Variants in MAPT observed in about 807,000 individuals in gnomAD.
MAPT encodes the protein microtubule associated protein tau, also known as microtubule-associated protein tau.
MAPT carries 34 observed loss-of-function variants against 67.9 expected under a neutral mutation model. The observed-to-expected ratio is 0.50, with a 90% CI of 0.38 to 0.67. MAPT has a LOEUF of 0.67. Among genes scored for constraint, MAPT ranks in the 30% least tolerant of loss-of-function variants. The pLI, the probability that MAPT is intolerant of heterozygous loss-of-function variation, is 0.00. For missense variants in MAPT, 881 were observed against 1,115.2 expected (o/e 0.79, Z 2.99); for synonymous variants, 456 against 464.5 (o/e 0.98, Z 0.23).
chr17:45,961,776 T>G (rs1465931826), intron 1 of MAPT, among the ~76,000 whole-genome samples: 7 of 93,098 alleles, frequency 7.5e-5, no homozygotes, highest in Non-Finnish European at 1.4e-4. Context: ...ATTTGTTTTG[T>G]TTTTTTTTTT....
intron 1 of MAPT, among the ~76,000 whole-genome samples, chr17:45,941,967 G>A (rs759684397): frequency 3.3e-5 from 5 of 151,986 alleles, no homozygotes; most frequent in Non-Finnish European, 7.4e-5. Flanking sequence ...GACCCACAGG[G>A]CACTGTGGGA....
intron 1 of MAPT, among the ~76,000 whole-genome samples, chr17:45,909,946 C>G (rs2064641551): frequency 6.7e-6 from 1 of 148,276 alleles, no homozygotes; most frequent in Non-Finnish European, 1.5e-5. Context: ...GAGGCTGAGG[C>G]ACGAGAATCA....
rs544332250 is a variant in MAPT at position 46,019,243 on chromosome 17, T to C, written c.2286+513T>C. On this transcript the variant is annotated intron_variant, in intron 12 of 12. Transcript: ENST00000262410. Reference sequence around the variant, plus strand: ...CCATTTATAAAACCATCAGACCTCATGAGATTTATTCACTATCATGAGAAC... The same window carrying C: ...CCATTTATAAAACCATCAGACCTCACGAGATTTATTCACTATCATGAGAAC... Among the ~76,000 whole-genome samples the C allele has an allele frequency of 8.5e-5, 13 of 152,198 alleles. 1 individual carries two copies. The South Asian group carries it at 2.1e-3, about 24-fold the overall frequency.
At chr17:45,984,020 G>T in intron 5 of MAPT, 90 bp downstream of exon 5, 1 of 1,102,568 alleles carries the variant, frequency 9.1e-7, no homozygotes, top group South Asian at 1.5e-5. Context: ...CAGGCCTCCC[G>T]ACTCCTGCTG....
chr17:46,001,685 C>T (rs982471102), intron 9 of MAPT, among the ~76,000 whole-genome samples: 9 of 152,162 alleles, frequency 5.9e-5, no homozygotes, highest in African/African-American at 2.2e-4. Context: ...AATGCTGGTT[C>T]CTTCCTTATT....
At chr17:45,992,663 C>T (rs1299525027) in intron 8 of MAPT, among the ~76,000 whole-genome samples, 3 of 151,646 alleles carry the variant, frequency 2.0e-5, no homozygotes, top group Admixed American at 6.6e-5. Context: ...CCAAGGTGGG[C>T]GGATCACCTG....
intron 1 of MAPT, among the ~76,000 whole-genome samples, chr17:45,950,039 A>G (rs2068902775): frequency 6.6e-6 from 1 of 151,782 alleles, no homozygotes; most frequent in Non-Finnish European, 1.5e-5. Flanking sequence ...AGAGGGGCAA[A>G]GCTGTCGGGA....
At chr17:46,006,199 A>G (rs1598363733) in intron 9 of MAPT, among the ~76,000 whole-genome samples, 1 of 152,240 alleles carries the variant, frequency 6.6e-6, no homozygotes, top group African/African-American at 2.4e-5. Flanking sequence ...AGTGTCCATC[A>G]ACAGACAAAT....
intron 1 of MAPT, among the ~76,000 whole-genome samples, chr17:45,928,002 G>GAAAAAA (rs35954789): frequency 3.6e-5 from 2 of 55,194 alleles, no homozygotes; most frequent in Non-Finnish European, 6.5e-5. Flanking sequence ...TCCGTCTCAG[G>GAAAAAA]AAAAAAAAAA....
intron 2 of MAPT, among the ~76,000 whole-genome samples, chr17:45,967,327 G>C (rs2071189662): frequency 6.6e-6 from 1 of 152,170 alleles, no homozygotes; most frequent in South Asian, 2.1e-4. Context: ...AAATGATAAG[G>C]ACTGTAGGGC....
chr17:45,946,595 T>C (rs1341209935), intron 1 of MAPT, among the ~76,000 whole-genome samples: 7 of 64,734 alleles, frequency 1.1e-4, no homozygotes, highest in Non-Finnish European at 3.1e-5. Context: ...GGGGACTCTG[T>C]CTTAAAAAAA....
chr17:46,027,068 A>G lies in MAPT; in HGVS notation c.*2897A>G, dbSNP rs1262694777. 6.6e-6 allele frequency: 1 copy of G among 152,128 alleles called. No homozygotes were observed. The highest frequency in any genetic ancestry group is 1.5e-5 in the Non-Finnish European group (1 of 68,054). The allele number at this position is 152,128 out of a possible 1,614,324, so 9.4% of individuals were successfully genotyped here. On this transcript the variant is annotated 3_prime_UTR_variant, in exon 13 of 13. Coordinates refer to ENST00000262410, the MANE Select transcript of MAPT (RefSeq NM_001377265.1). ...TTCTCCTAAGTTGAAGGGATCTGAG[A>G]AGGAGAAGGAAATGTGGGGTAGATT...
At chr17:45,962,168 C>T (rs1389697305) in intron 1 of MAPT, among the ~76,000 whole-genome samples, 153 bp from the exon 2 acceptor site, 3 of 152,122 alleles carry the variant, frequency 2.0e-5, no homozygotes, top group Non-Finnish European at 2.9e-5. Context: ...ATATGGAGCA[C>T]GGGATGAGGA....
At chr17:45,938,091 T>G (rs550474357) in intron 1 of MAPT, among the ~76,000 whole-genome samples, 8 of 152,334 alleles carry the variant, frequency 5.3e-5, no homozygotes, top group African/African-American at 1.2e-4. Context: ...TGAAATCAAC[T>G]GTATTAATTT....
rs146232566 is a variant in MAPT at position 46,016,263 on chromosome 17, A to G, written c.2173+1939A>G. Among the ~76,000 whole-genome samples, 544 of 151,980 alleles carry G rather than the reference A, an allele frequency of 3.6e-3. 10 individuals carry two copies. Among genetic ancestry groups the G allele is most frequent in the Admixed American group, 0.03 (457 of 15,274 alleles). ...AAAAACTAGCCAGGCATGGTGGCAC[A>G]TGCCTGTAATCCCAGCTACTTGGGA... On this transcript the variant is annotated intron_variant, in intron 11 of 12. Coordinates refer to ENST00000262410, the MANE Select transcript of MAPT (RefSeq NM_001377265.1).
intron 10 of MAPT, among the ~76,000 whole-genome samples, chr17:46,011,926 G>A (rs971252996): frequency 2.0e-5 from 3 of 152,166 alleles, no homozygotes; most frequent in Admixed American, 6.5e-5. Context: ...GCTAACTAAC[G>A]CTTCCTCACC....
intron 2 of MAPT, among the ~76,000 whole-genome samples, chr17:45,966,286 G>A (rs1040963384): frequency 6.6e-6 from 1 of 152,254 alleles, no homozygotes; most frequent in Middle Eastern, 3.4e-3. Context: ...TAACAAGTTC[G>A]TTTAAAATTA....
At position 45,903,988 on chromosome 17, in the gene MAPT, TTA is replaced by T. The variant is rs1462627808; in HGVS notation, c.-18+9310_-18+9311del. On this transcript the variant is annotated intron_variant, in intron 1 of 12. Coordinates refer to ENST00000262410, the MANE Select transcript of MAPT (RefSeq NM_001377265.1). Reference sequence around the variant, plus strand: ...ATATTATATATTATATATTATATATTTATATATATTATATATTATATATATTA... The same window carrying T: ...ATATTATATATTATATATTATATATTTATATATTATATATTATATATATTA... Among the ~76,000 whole-genome samples the T allele has an allele frequency of 2.0e-3, 24 of 11,772 alleles. 1 individual carries two copies. The highest frequency in any genetic ancestry group is 4.0e-3 in the African/African-American group (15 of 3,736). 7.7% of individuals were successfully genotyped at this position (11,772 alleles called of 152,430 possible). A position where few individuals can be genotyped will look rare whatever the true frequency, so the allele number is the denominator to read the frequency against.
chr17:45,921,117 T>C (rs1323836955), intron 1 of MAPT, among the ~76,000 whole-genome samples: 4 of 152,238 alleles, frequency 2.6e-5, no homozygotes, highest in African/African-American at 9.6e-5. Flanking sequence ...AATCCCTTAG[T>C]TGTCCTGCTA....
Sources: gnomAD v4.1 joint callset for allele counts (sites outside exome capture counted in the v4.1 genomes callset) on GRCh38, gnomAD v4.1.1 for gene constraint, MANE v1.5 for transcripts, NCBI Gene and HGNC (gene_info 2026-07-23, HGNC 2026-07-21) for gene names.